FRMPD4: variants seen among roughly 807,000 people sequenced by gnomAD.
FRMPD4 encodes FERM and PDZ domain containing 4, also known as FERM and PDZ domain-containing protein 4.
FRMPD4 carries 22 observed loss-of-function variants against 94.1 expected under a neutral mutation model. The observed-to-expected ratio is 0.23, with a 90% CI of 0.17 to 0.33. FRMPD4 has a LOEUF of 0.33. FRMPD4 is among the 10% of genes least tolerant of loss of function. FRMPD4 has a pLI of 1.00. For synonymous variants in FRMPD4, 631 were observed against 548.6 expected (o/e 1.15, Z -2.10); for missense variants, 1,111 against 1,339.9 (o/e 0.83, Z 2.67).
At chrX:12,263,353 G>T (rs1386242100) in intron 1 of FRMPD4, among the ~76,000 whole-genome samples, 5 of 111,664 alleles carry the variant, frequency 4.5e-5, no homozygotes, top group Non-Finnish European at 9.4e-5. Flanking sequence ...GCATTTGCAA[G>T]CAGACAAATG....
intron 3 of FRMPD4, among the ~76,000 whole-genome samples, chrX:12,105,466 A>G (rs1238130903): frequency 8.9e-6 from 1 of 112,288 alleles, no homozygotes; most frequent in East Asian, 2.8e-4. Context: ...GTACACACAC[A>G]TGTGTGCACT....
At chrX:12,185,274 G>A (rs932277916) in intron 1 of FRMPD4, among the ~76,000 whole-genome samples, 3 of 111,757 alleles carry the variant, frequency 2.7e-5, no homozygotes, top group Admixed American at 9.4e-5. Context: ...ATTCATTCAC[G>A]TCTTAAAATA....
chrX:11,901,145 T>A (rs754601666), intron 3 of FRMPD4, among the ~76,000 whole-genome samples: 4 of 111,936 alleles, frequency 3.6e-5, no homozygotes, highest in Non-Finnish European at 7.5e-5. Context: ...GGTGGTTTTT[T>A]GTTACATGAG....
chrX:12,705,995 A>G (rs1236386529), intron 11 of FRMPD4, among the ~76,000 whole-genome samples: 1 of 111,925 alleles, frequency 8.9e-6, no homozygotes, highest in East Asian at 2.8e-4. Context: ...ATAGAATTTT[A>G]TGGTCATTGC....
At chrX:12,123,881 A>T (rs906328949) in intron 3 of FRMPD4, among the ~76,000 whole-genome samples, 44 of 111,669 alleles carry the variant, frequency 3.9e-4, no homozygotes, top group Non-Finnish European at 7.5e-5. Context: ...CCTGGGAATC[A>T]CAGGAGCAGA....
chrX:12,450,960 A>T (rs2057262398), intron 1 of FRMPD4, among the ~76,000 whole-genome samples: 1 of 109,815 alleles, frequency 9.1e-6, no homozygotes. Context: ...CAGGAAAAAA[A>T]AAAAGGCGAA....
At chrX:12,525,499 A>G (rs1464648338) in intron 2 of FRMPD4, among the ~76,000 whole-genome samples, 1 of 111,656 alleles carries the variant, frequency 9.0e-6, no homozygotes, top group East Asian at 2.8e-4. Context: ...ATAGCATCTC[A>G]TGACAGAGCA....
chrX:12,609,574 C>T (rs944737844), intron 2 of FRMPD4, 147 bp from the exon 3 acceptor site: 27 of 487,502 alleles, frequency 5.5e-5, no homozygotes, highest in Non-Finnish European at 8.0e-5. Context: ...AAGTAGGCCA[C>T]GAAAGAAGCA....
intron 4 of FRMPD4, among the ~76,000 whole-genome samples, chrX:12,616,715 C>A (rs2059239697): frequency 8.9e-6 from 1 of 112,511 alleles, no homozygotes; most frequent in East Asian, 2.8e-4. Flanking sequence ...AATAACTTCT[C>A]TCTTGAGATG....
At chrX:12,465,287 C>T (rs1191875358) in intron 1 of FRMPD4, among the ~76,000 whole-genome samples, 1 of 111,866 alleles carries the variant, frequency 8.9e-6, no homozygotes, top group African/African-American at 3.2e-5. Flanking sequence ...GTCAGAATCT[C>T]CATGATAAAA....
chrX:12,548,861 T>G (rs1427343418), intron 2 of FRMPD4, among the ~76,000 whole-genome samples: 1 of 111,428 alleles, frequency 9.0e-6, no homozygotes, highest in Non-Finnish European at 1.9e-5. Flanking sequence ...GTTGGGAAGC[T>G]AAATCTAGGC....
chrX:12,644,086 T>C (rs1278936191), intron 4 of FRMPD4, among the ~76,000 whole-genome samples: 2 of 111,188 alleles, frequency 1.8e-5, no homozygotes, highest in Non-Finnish European at 3.8e-5. Context: ...TCTTTTTTCT[T>C]TGAGACAGGG....
chrX:11,966,857 T>C (rs1348658570), intron 3 of FRMPD4, among the ~76,000 whole-genome samples: 2 of 111,984 alleles, frequency 1.8e-5, no homozygotes, highest in East Asian at 2.8e-4. Flanking sequence ...GACTGACTTA[T>C]ATGAATGCAA....
intron 13 of FRMPD4, among the ~76,000 whole-genome samples, chrX:12,709,474 A>G (rs981624847): frequency 2.6e-4 from 29 of 111,981 alleles, no homozygotes; most frequent in Admixed American, 4.7e-4. Context: ...GTCCAATTGT[A>G]TAATAACCTT....
intron 1 of FRMPD4, among the ~76,000 whole-genome samples, chrX:12,467,679 G>A (rs938994464): frequency 4.2e-4 from 47 of 112,266 alleles, no homozygotes; most frequent in African/African-American, 1.4e-3. Flanking sequence ...TCAGCCAAGG[G>A]ATATAGCACT....
chrX:12,138,991 T>G lies in FRMPD4; in HGVS notation c.20T>G (p.Val7Gly). ...GCCTGCATGGATGTCTTCAGCTTTG[T>G]GAAGATTGCAAAGCTTTCGAGGTAG... MDVFSF[V>G]KIAKLSSHRT... Residue 7 changes from valine to glycine, a missense_variant, in exon 1 of 17, where the codon GTG (valine) becomes GGG (glycine). By Grantham distance (109) the Val-to-Gly change is moderately radical. Around this residue, in one of 8 missense-constraint regions of FRMPD4, gnomAD observed 140 missense variants for 165.9 expected, o/e 0.84. Transcript: ENST00000675598. 8.5e-7 allele frequency: 1 copy of G among 1,171,246 alleles called. No individual in the cohort carries two copies. Among genetic ancestry groups the G allele is most frequent in the Non-Finnish European group, 1.1e-6 (1 of 874,591 alleles).
chrX:12,661,436 T>C (rs2059712862), intron 4 of FRMPD4, among the ~76,000 whole-genome samples: 2 of 111,922 alleles, frequency 1.8e-5, no homozygotes, highest in Non-Finnish European at 3.8e-5. Flanking sequence ...TCTATAGAAT[T>C]GGTAGAAGCC....
chrX:12,537,289 T>C (rs1045750641), intron 2 of FRMPD4, among the ~76,000 whole-genome samples: 1 of 111,499 alleles, frequency 9.0e-6, no homozygotes, highest in African/African-American at 3.3e-5. Context: ...CTCTGGCTTT[T>C]AATTTCAGTT....
chrX:12,316,816 A>C (rs763407375), intron 1 of FRMPD4, among the ~76,000 whole-genome samples: 1 of 108,689 alleles, frequency 9.2e-6, no homozygotes, highest in Non-Finnish European at 1.9e-5. Context: ...TGTCTTTTAC[A>C]TTACAAAGGT....
Sources: gnomAD v4.1 joint callset for allele counts (sites outside exome capture counted in the v4.1 genomes callset) on GRCh38, gnomAD v4.1.1 for gene constraint, gnomAD v4.1.1 regional missense constraint, MANE v1.5 for transcripts, NCBI Gene and HGNC (gene_info 2026-07-23, HGNC 2026-07-21) for gene names.